EFHD1: variants seen among roughly 807,000 people sequenced by gnomAD.
EFHD1 encodes EF-hand domain-containing protein D1.
EFHD1 carries 10 observed loss-of-function variants against 17.2 expected under a neutral mutation model. That is an observed-to-expected ratio of 0.58 (90% CI 0.36 to 0.99). The LOEUF (loss-of-function observed/expected upper bound fraction) is 0.99. EFHD1 is among the 50% of genes least tolerant of loss of function. The pLI, the probability that EFHD1 is intolerant of heterozygous loss-of-function variation, is 0.01. For synonymous variants in EFHD1, 153 were observed against 142.0 expected, an observed-to-expected ratio of 1.08 and a Z score of -0.55; for missense variants, 310 against 327.5, an observed-to-expected ratio of 0.95 and a Z score of 0.41.
chr2:232,631,154 G>GA (rs1694194022), upstream of EFHD1, among the ~76,000 whole-genome samples: 1 of 152,100 alleles, frequency 6.6e-6, no homozygotes, highest in African/African-American at 2.4e-5. Context: ...TTGAACCTGG[G>GA]AGGCAGAGGT....
At chr2:232,608,920 C>T (rs1238914175) in intron 1 of EFHD1, among the ~76,000 whole-genome samples, 2 of 151,844 alleles carry the variant, frequency 1.3e-5, no homozygotes. Flanking sequence ...CAGAGCAAGA[C>T]TCCATCTCAA....
At chr2:232,609,592 T>C (rs905196752) in intron 1 of EFHD1, among the ~76,000 whole-genome samples, 3 of 152,070 alleles carry the variant, frequency 2.0e-5, no homozygotes, top group African/African-American at 7.2e-5. Context: ...ATATCTGTCT[T>C]GACCAGAGTT....
chr2:232,652,535 A>G (rs999202407), intron 1 of EFHD1, among the ~76,000 whole-genome samples: 2 of 152,138 alleles, frequency 1.3e-5, no homozygotes, highest in Non-Finnish European at 2.9e-5. Flanking sequence ...ACCACTTCAC[A>G]GTACTGCTGT....
intron 2 of EFHD1, 37 bp downstream of exon 2, chr2:232,662,986 G>A: frequency 2.0e-6 from 3 of 1,521,448 alleles, no homozygotes; most frequent in Admixed American, 2.4e-5. Flanking sequence ...CCTGTGGGGT[G>A]CCCCTGAGAG....
chr2:232,668,835 T>C (rs1695014399), intron 2 of EFHD1, among the ~76,000 whole-genome samples: 1 of 152,038 alleles, frequency 6.6e-6, no homozygotes, highest in Admixed American at 6.6e-5. Context: ...GGTTTCACCA[T>C]GTTGGTCATG....
At position 232,660,070 on chromosome 2, in the gene EFHD1, G is replaced by C. The variant is rs190610528; in HGVS notation, c.303-2732G>C. On this transcript the variant is annotated intron_variant, in intron 1 of 3. Transcript: ENST00000264059. The stretch of plus-strand genomic sequence containing the variant: ...CCACTAAGTCCCACCTCCAACACTG[G>C]GGACTACAGTTCGACATGAGATTTG... Among the ~76,000 whole-genome samples the C allele has an allele frequency of 2.8e-3, 421 of 152,196 alleles. 1 individual carries two copies. The highest frequency in any genetic ancestry group is 2.1e-3 in the Non-Finnish European group (145 of 68,008).
At chr2:232,655,842 T>C (rs1694752119) in intron 1 of EFHD1, among the ~76,000 whole-genome samples, 1 of 148,198 alleles carries the variant, frequency 6.7e-6, no homozygotes, top group African/African-American at 2.5e-5. Flanking sequence ...AATCTTGCTC[T>C]GTCACCCAGG....
rs142776291 is a variant in EFHD1 at position 232,619,367 on chromosome 2, A to G, written c.14+13194A>G. 3.0e-3 allele frequency among the ~76,000 whole-genome samples: 422 copies of G among 140,620 alleles called. 2 individuals carry two copies. Among genetic ancestry groups the G allele is most frequent in the Middle Eastern group, 0.022 (6 of 268 alleles). 92.3% of individuals were successfully genotyped at this position (140,620 alleles called of 152,430 possible). A position where few individuals can be genotyped will look rare whatever the true frequency, so the allele number is the denominator to read the frequency against. On this transcript the variant is annotated intron_variant, in intron 1 of 3. Transcript: ENST00000409613. The stretch of plus-strand genomic sequence containing the variant: ...CTCTTTTTCCCTAGGCTGGAGTGTG[A>G]TGGCGCGATCTCGGCTCACTGCAAC...
At chr2:232,644,582 G>A (rs1036963353) in intron 1 of EFHD1, among the ~76,000 whole-genome samples, 1 of 151,224 alleles carries the variant, frequency 6.6e-6, no homozygotes, top group Non-Finnish European at 1.5e-5. Flanking sequence ...GTGCGATCTC[G>A]GCTCACTGCA....
intron 1 of EFHD1, among the ~76,000 whole-genome samples, chr2:232,647,768 C>CCTCCCAAGTAGG (rs1307914475): frequency 6.6e-6 from 1 of 152,028 alleles, no homozygotes; most frequent in Non-Finnish European, 1.5e-5. Context: ...TCCCAAGTAG[C>CCTCCCAAGTAGG]TGGGATTACA....
chr2:232,625,766 C>T (rs369541983), intron 1 of EFHD1, among the ~76,000 whole-genome samples: 225 of 152,152 alleles, frequency 1.5e-3, no homozygotes, highest in South Asian at 0.012. Context: ...ACCCATGATG[C>T]GAAAGGAATG....
At chr2:232,606,317 GC>G in intron 1 of EFHD1, 14 of 1,006,102 alleles carry the variant, frequency 1.4e-5, no homozygotes, top group Admixed American at 2.0e-5. Flanking sequence ...TCGCTTCCCT[GC>G]CCCGCGCACG....
intron 1 of EFHD1, among the ~76,000 whole-genome samples, chr2:232,660,799 G>A (rs1424580587): frequency 2.0e-5 from 3 of 151,998 alleles, no homozygotes; most frequent in Non-Finnish European, 4.4e-5. Context: ...CCAACATGGT[G>A]AAACCCCGTC....
rs1456955642 is a variant in EFHD1 at position 232,633,684 on chromosome 2, C to A, written c.-21C>A. The A allele has an allele frequency of 2.8e-6, 4 of 1,413,080 alleles. No homozygotes were observed. The highest frequency in any genetic ancestry group is 3.7e-6 in the Non-Finnish European group (4 of 1,094,898). The allele number at this position is 1,413,080 out of a possible 1,614,324, so 87.5% of individuals were successfully genotyped here. ...GTCCCGTCCCGCGTCCCCGCGTTCC[C>A]GCGTCCTGCGATCCGCCGCCATGGC... is the stretch of plus-strand genomic sequence containing the variant. On this transcript the variant is annotated 5_prime_UTR_variant, in exon 1 of 4. Transcript: ENST00000264059.
At chr2:232,637,275 G>A (rs1286595911) in intron 1 of EFHD1, among the ~76,000 whole-genome samples, 11 of 151,416 alleles carry the variant, frequency 7.3e-5, no homozygotes, top group Non-Finnish European at 1.2e-4. Context: ...GCGCATCACC[G>A]TAATCTCTGC....
chr2:232,639,470 G>A (rs1218124390), intron 1 of EFHD1, among the ~76,000 whole-genome samples: 1 of 151,868 alleles, frequency 6.6e-6, no homozygotes, highest in Non-Finnish European at 1.5e-5. Flanking sequence ...CATAGGCATG[G>A]GCTACTTCGC....
chr2:232,668,002 G>A (rs1694998402), intron 2 of EFHD1, among the ~76,000 whole-genome samples: 1 of 152,244 alleles, frequency 6.6e-6, no homozygotes, highest in South Asian at 2.1e-4. Flanking sequence ...AATTCCCTGA[G>A]TGTATCAGAA....
In EFHD1 at chr2:232,653,299, T is replaced by A. The variant is rs183696621; in HGVS notation, c.303-9503T>A. 1.3e-3 allele frequency among the ~76,000 whole-genome samples: 192 copies of A among 151,676 alleles called. 4 individuals carry two copies. Among genetic ancestry groups the A allele is most frequent in the Admixed American group, 0.011 (169 of 15,226 alleles). On this transcript the variant is annotated intron_variant, in intron 1 of 3. Transcript: ENST00000264059. ...TGAGCCACTGTGCCCAGCTGGTTTTTTCTTTTTTCAAGATGGAGTCTCACT... is the reference window on the plus strand; with the variant it reads ...TGAGCCACTGTGCCCAGCTGGTTTTATCTTTTTTCAAGATGGAGTCTCACT...
At chr2:232,607,345 G>C (rs988214758) in intron 1 of EFHD1, among the ~76,000 whole-genome samples, 1 of 151,794 alleles carries the variant, frequency 6.6e-6, no homozygotes, top group South Asian at 2.1e-4. Flanking sequence ...CAGCACTTTG[G>C]GGGGCCGAGG....
Sources: allele counts gnomAD v4.1 joint callset (sites outside exome capture counted in the v4.1 genomes callset), GRCh38; gene constraint gnomAD v4.1.1; transcripts MANE v1.5; gene names NCBI Gene and HGNC (gene_info 2026-07-23, HGNC 2026-07-21).